Variants in CIMAP1D observed in about 807,000 individuals in gnomAD.
CIMAP1D encodes the protein CIMAP1 family member D, also known as protein CIMAP1D.
the CIMAP1D span, among the ~76,000 whole-genome samples, chr19:471,829 G>A: frequency 1.3e-4 from 19 of 151,548 alleles, no homozygotes; most frequent in East Asian, 5.9e-4. Context: ...CGCAAGCTCC[G>A]CCTCCCGGCT....
At chr19:478,243 G>C in the CIMAP1D span, among the ~76,000 whole-genome samples, 3 of 151,486 alleles carry the variant, frequency 2.0e-5, no homozygotes, top group Admixed American at 6.6e-5. Context: ...TAAAGAGACA[G>C]AGGGGACAAG....
At chr19:469,085 C>T in the CIMAP1D span, among the ~76,000 whole-genome samples, 1 of 152,226 alleles carries the variant, frequency 6.6e-6, no homozygotes, top group Non-Finnish European at 1.5e-5. Context: ...ACTGGCCAGA[C>T]TCCAAGGGTG....
the CIMAP1D span, among the ~76,000 whole-genome samples, chr19:477,824 C>T: frequency 6.6e-6 from 1 of 152,174 alleles, no homozygotes; most frequent in Non-Finnish European, 1.5e-5. Context: ...CACGCCACGG[C>T]ACGCAGGCCC....
the CIMAP1D span, among the ~76,000 whole-genome samples, chr19:484,469 A>T: frequency 6.6e-6 from 1 of 152,146 alleles, no homozygotes; most frequent in Non-Finnish European, 1.5e-5. Flanking sequence ...ACAGGGTCTC[A>T]TTCTGTGCTC....
chr19:491,474 C>G, the CIMAP1D span, among the ~76,000 whole-genome samples: 1 of 152,116 alleles, frequency 6.6e-6, no homozygotes, highest in Non-Finnish European at 1.5e-5. Context: ...CCTGGCTGGG[C>G]CCCCGTCTTC....
chr19:486,314 C>T, the CIMAP1D span, among the ~76,000 whole-genome samples: 1 of 152,160 alleles, frequency 6.6e-6, no homozygotes, highest in East Asian at 1.9e-4. Flanking sequence ...CCGGACTCAG[C>T]CTCTGCACTC....
the CIMAP1D span, among the ~76,000 whole-genome samples, chr19:465,231 T>G: frequency 8.2e-6 from 1 of 121,998 alleles, no homozygotes; most frequent in Non-Finnish European, 1.7e-5. Context: ...GTTGGGTGGA[T>G]GGTGGAAGGA....
At chr19:469,352 A>C in the CIMAP1D span, among the ~76,000 whole-genome samples, 1 of 151,658 alleles carries the variant, frequency 6.6e-6, no homozygotes, top group African/African-American at 2.4e-5. Flanking sequence ...TAACTCTGGG[A>C]CCACAGGCAT....
At chr19:479,303 T>G in the CIMAP1D span, among the ~76,000 whole-genome samples, 14,525 of 151,892 alleles carry the variant, frequency 0.096, 1,570 homozygotes, top group African/African-American at 0.25. Context: ...TCCTCCTCTC[T>G]GCTCTTGTTA....
the CIMAP1D span, among the ~76,000 whole-genome samples, chr19:473,112 C>G: frequency 5.7e-4 from 46 of 80,956 alleles, no homozygotes; most frequent in African/African-American, 1.1e-3. Flanking sequence ...GGTCACAGAT[C>G]GGGAAACTGA....
the CIMAP1D span, among the ~76,000 whole-genome samples, chr19:470,053 A>G: frequency 6.6e-6 from 1 of 151,902 alleles, no homozygotes; most frequent in South Asian, 2.1e-4. Context: ...CCCAGATCCC[A>G]TGTTCCACTT....
the CIMAP1D span, among the ~76,000 whole-genome samples, chr19:471,211 T>C: frequency 5.0e-4 from 75 of 149,982 alleles, no homozygotes; most frequent in African/African-American, 1.8e-3. Flanking sequence ...TGCAATGGCA[T>C]GATCTCGGCT....
the CIMAP1D span, among the ~76,000 whole-genome samples, chr19:480,815 T>C: frequency 8.4e-6 from 1 of 119,262 alleles, no homozygotes; most frequent in Non-Finnish European, 1.6e-5. Context: ...GTAGGAAGGA[T>C]GATGGGGAAG....
the CIMAP1D span, among the ~76,000 whole-genome samples, chr19:471,247 C>T: frequency 6.6e-6 from 1 of 151,936 alleles, no homozygotes; most frequent in Non-Finnish European, 1.5e-5. Flanking sequence ...CTCCCGGGTT[C>T]ACGCCATTCT....
the CIMAP1D span, chr19:464,165 G>A: frequency 1.3e-6 from 2 of 1,506,350 alleles, no homozygotes; most frequent in Admixed American, 2.3e-5. Flanking sequence ...CCACCACCGT[G>A]TAGCTGGGGC....
chr19:463,776 C>A, the CIMAP1D span: 1 of 1,530,316 alleles, frequency 6.5e-7, no homozygotes. Context: ...TCTAGCCCCT[C>A]CAGCCAAAGC....
At chr19:469,558 C>T in the CIMAP1D span, among the ~76,000 whole-genome samples, 13 of 152,052 alleles carry the variant, frequency 8.5e-5, no homozygotes, top group East Asian at 5.8e-4. Flanking sequence ...GGCGTGGTGG[C>T]GGGCGCCTGT....
the CIMAP1D span, among the ~76,000 whole-genome samples, chr19:471,091 C>T: frequency 6.6e-6 from 1 of 152,258 alleles, no homozygotes; most frequent in Non-Finnish European, 1.5e-5. Flanking sequence ...CGACAGCACA[C>T]GTTTACTGAG....
At chr19:465,855 GA>G in the CIMAP1D span, among the ~76,000 whole-genome samples, 2 of 130,074 alleles carry the variant, frequency 1.5e-5, no homozygotes, top group Non-Finnish European at 3.3e-5. Context: ...TGGATAGATG[GA>G]TGGATGGGTG....
Sources: gnomAD v4.1 joint callset for allele counts (sites outside exome capture counted in the v4.1 genomes callset) on GRCh38, gnomAD v4.1.1 for gene constraint, MANE v1.5 for transcripts, NCBI Gene and HGNC (gene_info 2026-07-23, HGNC 2026-07-21) for gene names.